Variants in KNTC1 observed in about 807,000 individuals in gnomAD.
The protein encoded by KNTC1 is kinetochore associated 1.
KNTC1 carries 253 observed loss-of-function variants against 314.4 expected under a neutral mutation model. The observed-to-expected ratio is 0.80, with a 90% CI of 0.73 to 0.89. The LOEUF (loss-of-function observed/expected upper bound fraction) is 0.89. Ranked by LOEUF, KNTC1 falls within the 40% of genes least tolerant of loss-of-function variation. The probability of loss-of-function intolerance (pLI) is 0.00; values close to 1 mark genes in which losing one functional copy is unlikely to be tolerated. For synonymous variants in KNTC1, 901 were observed against 901.4 expected, an observed-to-expected ratio of 1.00 and a Z score of 0.01; for missense variants, 2,475 against 2,572.9, an observed-to-expected ratio of 0.96 and a Z score of 0.82.
intron 51 of KNTC1, among the ~76,000 whole-genome samples, chr12:122,607,454 T>C (rs370554745): frequency 6.6e-6 from 1 of 152,334 alleles, no homozygotes; most frequent in Non-Finnish European, 1.5e-5. Context: ...AGCTGTTTCA[T>C]AAGCTGCCCT....
chr12:122,554,678 C>A (rs1383114953), intron 16 of KNTC1, among the ~76,000 whole-genome samples: 1 of 151,934 alleles, frequency 6.6e-6, no homozygotes, highest in African/African-American at 2.4e-5. Context: ...AAAAATCAAA[C>A]CAAAACAGAA....
intron 43 of KNTC1, among the ~76,000 whole-genome samples, chr12:122,596,183 A>C (rs1450935987): frequency 6.6e-6 from 1 of 151,120 alleles, no homozygotes; most frequent in East Asian, 1.9e-4. Flanking sequence ...CCTGGGCTCA[A>C]GCGATTCTCC....
At chr12:122,553,126 T>C (rs1473941642) in intron 16 of KNTC1, among the ~76,000 whole-genome samples, 5 of 148,936 alleles carry the variant, frequency 3.4e-5, no homozygotes. Flanking sequence ...CACTGCATTC[T>C]ATCCTGGGCA....
intron 40 of KNTC1, among the ~76,000 whole-genome samples, chr12:122,589,471 G>GTTT (rs11352437): frequency 2.4e-5 from 3 of 126,812 alleles, no homozygotes; most frequent in Middle Eastern, 4.0e-3. Flanking sequence ...AAAAAATTGT[G>GTTT]TTTTTTTTTT....
At chr12:122,562,250 CAT>C (rs1226488817) in intron 19 of KNTC1, among the ~76,000 whole-genome samples, 1 of 152,108 alleles carries the variant, frequency 6.6e-6, no homozygotes, top group Non-Finnish European at 1.5e-5. Flanking sequence ...TGCTAAAATA[CAT>C]GTGTGTGTGC....
chr12:122,545,407 G>A (rs754242497), intron 8 of KNTC1, among the ~76,000 whole-genome samples: 5 of 151,156 alleles, frequency 3.3e-5, no homozygotes, highest in Middle Eastern at 3.4e-3. Flanking sequence ...GTGAGATCCT[G>A]TCTCTAAAAA....
In KNTC1 at chr12:122,597,955, A is replaced by T; in HGVS notation, c.4563+17A>T. 1 of 1,602,860 alleles carries T rather than the reference A, an allele frequency of 6.2e-7. No individual in the cohort carries two copies. The highest frequency in any genetic ancestry group is 8.5e-7 in the Non-Finnish European group (1 of 1,169,812). On this transcript the variant is annotated intron_variant, in intron 44 of 63. Coordinates refer to ENST00000333479, the MANE Select transcript of KNTC1 (RefSeq NM_014708.6). ...CTACATAAGGTAGACACACAGTGAA[A>T]TGAATCGGGTCATCTCAGCCATCCC...
rs1221774390 is a variant in KNTC1 at position 122,544,254 on chromosome 12, T to C, written c.654T>C (p.Val218=). The C allele has an allele frequency of 5.8e-6, 9 of 1,554,318 alleles. No homozygotes were observed. Among genetic ancestry groups the C allele is most frequent in the Middle Eastern group, 1.7e-4 (1 of 5,988 alleles). ...SLVAGDLASE[V]PVIIGGTGNC... ...TGGCTGGAGATTTAGCAAGTGAAGT[T>C]CCTGTGATAATTGGGGTAATTGTTT... Residue 218 remains valine, a synonymous_variant, in exon 8 of 64, where the codon GTT becomes GTC. Coordinates refer to ENST00000333479, the MANE Select transcript of KNTC1 (RefSeq NM_014708.6).
intron 5 of KNTC1, among the ~76,000 whole-genome samples, chr12:122,541,065 G>A (rs1962268663): frequency 6.6e-6 from 1 of 152,144 alleles, no homozygotes; most frequent in Non-Finnish European, 1.5e-5. Context: ...CACTTTCTCA[G>A]GAGGCTGAGT....
chr12:122,538,597 C>G (rs1477854491), intron 4 of KNTC1, 143 bp downstream of exon 4: 2 of 535,190 alleles, frequency 3.7e-6, no homozygotes. Flanking sequence ...GAAGGTGTTA[C>G]CACAGCTTGG....
intron 3 of KNTC1, among the ~76,000 whole-genome samples, chr12:122,535,700 C>T (rs186517026): frequency 5.9e-5 from 9 of 151,756 alleles, no homozygotes; most frequent in Non-Finnish European, 1.0e-4. Context: ...CCTGTAATCC[C>T]AGCTACTCAG....
At chr12:122,608,773 C>T (rs185433640) in intron 51 of KNTC1, among the ~76,000 whole-genome samples, 1 of 152,118 alleles carries the variant, frequency 6.6e-6, no homozygotes, top group Admixed American at 6.6e-5. Flanking sequence ...TTATCTAATA[C>T]GGGGCTGGGC....
Position 122,618,565 on chromosome 12 carries a change from T to G in KNTC1, c.6149+20T>G. On this transcript the variant is annotated intron_variant, in intron 59 of 63. Transcript: ENST00000333479. ...CCTCGAGTAAGCAAAATATTTGTTCTACCAAAAAAAAAAAAAGTTTGTTGC... is the reference window on the plus strand; with the variant it reads ...CCTCGAGTAAGCAAAATATTTGTTCGACCAAAAAAAAAAAAAGTTTGTTGC... 6.4e-7 allele frequency: 1 copy of G among 1,560,900 alleles called. No individual in the cohort carries two copies. The highest frequency in any genetic ancestry group is 1.8e-5 in the Admixed American group (1 of 55,066).
chr12:122,612,973 A>G (rs899663623), intron 53 of KNTC1, 139 bp from the exon 54 acceptor site: 1 of 631,690 alleles, frequency 1.6e-6, no homozygotes, highest in Admixed American at 2.8e-5. Context: ...CCACTGTTAC[A>G]CACAGTGCGT....
At chr12:122,607,412 T>C (rs1169328212) in intron 51 of KNTC1, among the ~76,000 whole-genome samples, 1 of 152,232 alleles carries the variant, frequency 6.6e-6, no homozygotes, top group Non-Finnish European at 1.5e-5. Flanking sequence ...TCTTGTCTTT[T>C]ATGATATTGA....
chr12:122,626,373 T>C lies in KNTC1; in HGVS notation c.*145T>C, dbSNP rs1313571904. The C allele has an allele frequency of 6.4e-6, 4 of 625,340 alleles. No homozygotes were observed. The highest frequency in any genetic ancestry group is 1.1e-5 in the Non-Finnish European group (4 of 355,368). The allele number at this position is 625,340 out of a possible 1,614,324, so 38.7% of individuals were successfully genotyped here. On this transcript the variant is annotated 3_prime_UTR_variant, in exon 64 of 64. Transcript: ENST00000333479. The stretch of plus-strand genomic sequence containing the variant: ...CCCACATGTAATAAATAAAACAATA[T>C]GAGCATAATTGCCCCATAAAGAACT...
At chr12:122,538,606 G>A (rs1459483225) in intron 4 of KNTC1, among the ~76,000 whole-genome samples, 152 bp downstream of exon 4, 3 of 152,200 alleles carry the variant, frequency 2.0e-5, no homozygotes. Context: ...ACCACAGCTT[G>A]GATCCTGAGT....
chr12:122,611,917 A>ATT (rs11372194), intron 53 of KNTC1, among the ~76,000 whole-genome samples: 12 of 146,186 alleles, frequency 8.2e-5, no homozygotes, highest in African/African-American at 1.7e-4. Flanking sequence ...AACTTTGTGG[A>ATT]TTTTTTTTTT....
chr12:122,530,576 A>C (rs1046484300), intron 2 of KNTC1, among the ~76,000 whole-genome samples: 8 of 151,324 alleles, frequency 5.3e-5, no homozygotes, highest in African/African-American at 1.9e-4. Context: ...TCAGCCTCCC[A>C]AGTAGCTGAG....
Sources: allele counts gnomAD v4.1 joint callset (sites outside exome capture counted in the v4.1 genomes callset), GRCh38; gene constraint gnomAD v4.1.1; transcripts MANE v1.5; gene names NCBI Gene and HGNC (gene_info 2026-07-23, HGNC 2026-07-21).